The following TRPC4AP variants were observed in gnomAD, a reference collection of about 807,000 sequenced individuals.
The protein encoded by TRPC4AP is transient receptor potential cation channel subfamily C member 4 associated protein, also known as short transient receptor potential channel 4-associated protein.
A neutral mutation model predicts 99.0 loss-of-function variants in TRPC4AP; 45 were observed. The observed-to-expected ratio is 0.45, with a 90% confidence interval of 0.36 to 0.58. TRPC4AP has a LOEUF of 0.58. Ranked by LOEUF, TRPC4AP falls within the 20% of genes least tolerant of loss-of-function variation. The probability of loss-of-function intolerance (pLI) is 0.00; values close to 1 mark genes in which losing one functional copy is unlikely to be tolerated. For synonymous variants in TRPC4AP, 408 were observed against 385.8 expected, an observed-to-expected ratio of 1.06 and a Z score of -0.67; for missense variants, 879 against 985.3, an observed-to-expected ratio of 0.89 and a Z score of 1.44.
chr20:35,014,048 A>G (rs2082695772), intron 10 of TRPC4AP, among the ~76,000 whole-genome samples: 1 of 152,190 alleles, frequency 6.6e-6, no homozygotes, highest in African/African-American at 2.4e-5. Context: ...CTGAGGCTAC[A>G]CAGGTATCCA....
chr20:35,076,425 CAT>C (rs1194003837), intron 2 of TRPC4AP, among the ~76,000 whole-genome samples: 3 of 151,982 alleles, frequency 2.0e-5, no homozygotes, highest in Non-Finnish European at 2.9e-5. Context: ...ATGATGGTGA[CAT>C]ACAGATGGGG....
chr20:35,068,140 T>C (rs2084193669), intron 3 of TRPC4AP, among the ~76,000 whole-genome samples: 1 of 152,206 alleles, frequency 6.6e-6, no homozygotes, highest in African/African-American at 2.4e-5. Context: ...AATGTTCTAT[T>C]TCCTAATTTG....
chr20:35,086,429 ATATGTGTGTGTGTGTG>A (rs1569157268), intron 1 of TRPC4AP, among the ~76,000 whole-genome samples: 18 of 117,898 alleles, frequency 1.5e-4, no homozygotes, highest in African/African-American at 5.4e-4. Context: ...AATGAATGGC[ATATGTGTGTGTGTGTG>A]TGTGTGTGTG....
intron 15 of TRPC4AP, 24 bp from the exon 16 acceptor site, chr20:35,005,827 C>T (rs376081699): frequency 1.6e-4 from 264 of 1,610,724 alleles, no homozygotes; most frequent in Non-Finnish European, 1.4e-5. Flanking sequence ...AAGCTCACAG[C>T]AGGCAGTGGG....
intron 4 of TRPC4AP, 48 bp from the exon 5 acceptor site, chr20:35,055,079 A>G (rs780855707): frequency 6.5e-7 from 1 of 1,532,750 alleles, no homozygotes. Context: ...ATGAAAAGAT[A>G]GTACAACAGT....
intron 8 of TRPC4AP, among the ~76,000 whole-genome samples, chr20:35,031,268 C>G (rs2083186163): frequency 6.6e-6 from 1 of 151,456 alleles, no homozygotes; most frequent in African/African-American, 2.4e-5. Flanking sequence ...CAGGGTCTCG[C>G]TCTGTCACCC....
chr20:35,083,252 A>T (rs1383625268), intron 1 of TRPC4AP, among the ~76,000 whole-genome samples: 3 of 152,150 alleles, frequency 2.0e-5, no homozygotes, highest in Non-Finnish European at 4.4e-5. Context: ...CACTTTTAAA[A>T]ACGCTAAGGA....
intron 9 of TRPC4AP, 56 bp downstream of exon 9, chr20:35,021,134 T>C (rs147366764): frequency 2.2e-5 from 34 of 1,576,962 alleles, no homozygotes; most frequent in African/African-American, 2.0e-4. Context: ...TGGCATACCA[T>C]GAGCACCCGG....
chr20:35,064,078 C>CA (rs2084077252), intron 3 of TRPC4AP, among the ~76,000 whole-genome samples: 2 of 152,030 alleles, frequency 1.3e-5, no homozygotes, highest in African/African-American at 4.8e-5. Context: ...CTTTGTTTTC[C>CA]AAAAAAGTCC....
chr20:35,048,021 T>A (rs1381454665), intron 6 of TRPC4AP, among the ~76,000 whole-genome samples: 1 of 151,814 alleles, frequency 6.6e-6, no homozygotes, highest in Non-Finnish European at 1.5e-5. Context: ...ATACACACAC[T>A]CACCAACATT....
In TRPC4AP at chr20:35,005,970, G is replaced by A. The variant is rs1256537648; in HGVS notation, c.1828-167C>T. On this transcript the variant is annotated intron_variant, in intron 15 of 18. Transcript: ENST00000252015. ...CTGAGGGACCTCCCCTCACCACCCA[G>A]GTACTAAGAGGCACTCCCCGGAATT... 2.0e-5 allele frequency among the ~76,000 whole-genome samples: 3 copies of A among 152,178 alleles called. No individual in the cohort carries two copies. The South Asian group carries it at 6.2e-4, about 31-fold the overall frequency.
chr20:35,015,060 C>A (rs933087609), intron 10 of TRPC4AP, among the ~76,000 whole-genome samples: 1 of 152,158 alleles, frequency 6.6e-6, no homozygotes, highest in East Asian at 1.9e-4. Context: ...TGTGCAGTGG[C>A]TTGATCTTAG....
intron 11 of TRPC4AP, among the ~76,000 whole-genome samples, chr20:35,010,654 C>A (rs1034922556): frequency 6.6e-6 from 1 of 152,276 alleles, no homozygotes; most frequent in East Asian, 1.9e-4. Flanking sequence ...CTGCAGCAGT[C>A]CCACCAAGCA....
At chr20:35,020,608 C>T (rs2082862636) in intron 9 of TRPC4AP, among the ~76,000 whole-genome samples, 1 of 152,142 alleles carries the variant, frequency 6.6e-6, no homozygotes, top group Admixed American at 6.6e-5. Flanking sequence ...GCCTCTCCTG[C>T]CCCCATGCTT....
intron 8 of TRPC4AP, among the ~76,000 whole-genome samples, chr20:35,032,963 G>C (rs2083236088): frequency 6.6e-6 from 1 of 152,070 alleles, no homozygotes; most frequent in African/African-American, 2.4e-5. Flanking sequence ...AGCACTTTGG[G>C]AGGCCAAGGT....
intron 1 of TRPC4AP, among the ~76,000 whole-genome samples, chr20:35,084,208 T>C (rs1220909077): frequency 6.6e-5 from 10 of 150,434 alleles, no homozygotes; most frequent in Admixed American, 6.0e-4. Flanking sequence ...GGGCATAGGT[T>C]GCAGGGAGCC....
At chr20:35,039,756 C>T (rs1429798703) in intron 7 of TRPC4AP, among the ~76,000 whole-genome samples, 2 of 151,966 alleles carry the variant, frequency 1.3e-5, no homozygotes, top group Non-Finnish European at 2.9e-5. Context: ...CGTTACTTTC[C>T]CCCAGAAGGA....
intron 1 of TRPC4AP, among the ~76,000 whole-genome samples, chr20:35,085,303 T>C (rs2084808842): frequency 1.3e-5 from 2 of 152,202 alleles, no homozygotes; most frequent in African/African-American, 4.8e-5. Context: ...TTACAAGGCA[T>C]GTACTCTCAT....
At chr20:35,039,204 G>A (rs1427753648) in intron 7 of TRPC4AP, among the ~76,000 whole-genome samples, 1 of 152,184 alleles carries the variant, frequency 6.6e-6, no homozygotes, top group Non-Finnish European at 1.5e-5. Context: ...TGCTTGACCT[G>A]CTCCTCTCAG....
Sources: allele counts gnomAD v4.1 joint callset (sites outside exome capture counted in the v4.1 genomes callset), GRCh38; gene constraint gnomAD v4.1.1; transcripts MANE v1.5; gene names NCBI Gene and HGNC (gene_info 2026-07-23, HGNC 2026-07-21).